The following PIAS4 variants were observed in gnomAD, a reference collection of about 807,000 sequenced individuals.
The protein encoded by PIAS4 is E3 SUMO-protein ligase PIAS4.
PIAS4 carries 7 observed loss-of-function variants against 58.0 expected under a neutral mutation model. The ratio of observed to expected loss-of-function variants is 0.12; its 90% CI spans 0.07 to 0.23. The LOEUF (loss-of-function observed/expected upper bound fraction) is 0.23. Among genes scored for constraint, PIAS4 ranks in the 10% least tolerant of loss-of-function variants. PIAS4 has a pLI of 1.00. For missense variants in PIAS4, 550 were observed against 709.5 expected, an observed-to-expected ratio of 0.78 and a Z score of 2.55; for synonymous variants, 364 against 312.4, an observed-to-expected ratio of 1.17 and a Z score of -1.74.
At chr19:4,011,758 T>A (rs1313685517) in intron 1 of PIAS4, among the ~76,000 whole-genome samples, 3 of 15,418 alleles carry the variant, frequency 1.9e-4, no homozygotes, top group African/African-American at 1.3e-3. Flanking sequence ...TGGAGGTGTG[T>A]GGGGTGTGGA....
At chr19:4,026,988 C>T (rs547540658) in intron 3 of PIAS4, among the ~76,000 whole-genome samples, 1 of 150,778 alleles carries the variant, frequency 6.6e-6, no homozygotes, top group South Asian at 2.1e-4. Context: ...GCTGGGACTA[C>T]AGGCACCCGC....
chr19:4,011,775 T>G (rs1354265158), intron 1 of PIAS4, among the ~76,000 whole-genome samples: 4 of 11,104 alleles, frequency 3.6e-4, no homozygotes, highest in Non-Finnish European at 4.6e-4. Flanking sequence ...TGGAGGTGTG[T>G]GGGGTGTGGA....
chr19:4,026,678 G>A (rs2040167995), intron 3 of PIAS4, among the ~76,000 whole-genome samples: 1 of 151,754 alleles, frequency 6.6e-6, no homozygotes, highest in Non-Finnish European at 1.5e-5. Flanking sequence ...ATACTATGTG[G>A]CTTTCGTTTA....
chr19:4,025,299 T>C lies in PIAS4; in HGVS notation c.539+1179T>C, dbSNP rs544736224. ...CAGGGTCGTCCTCAGATGAGGACGG[T>C]TGAACTGTGGCAGGTGAGGGGCCAG... On this transcript the variant is annotated intron_variant, in intron 3 of 10. Coordinates refer to ENST00000262971, the MANE Select transcript of PIAS4 (RefSeq NM_015897.4). 3.6e-4 allele frequency among the ~76,000 whole-genome samples: 55 copies of C among 152,260 alleles called. No homozygotes were observed. In the South Asian group the frequency reaches 0.011, roughly 32 times the overall value.
chr19:4,012,785 TCCA>T (rs2040009001), intron 1 of PIAS4, 135 bp from the exon 2 acceptor site: 5 of 937,202 alleles, frequency 5.3e-6, no homozygotes, highest in Middle Eastern at 2.4e-4. Flanking sequence ...GGCAGGGCAC[TCCA>T]CCAGCCCCAG....
chr19:4,019,101 C>G (rs1465605105), intron 2 of PIAS4, among the ~76,000 whole-genome samples: 1 of 152,158 alleles, frequency 6.6e-6, no homozygotes, highest in African/African-American at 2.4e-5. Flanking sequence ...GCTGACAGGA[C>G]TGGCTGAGGG....
At chr19:4,030,799 G>A (rs922004256) in intron 7 of PIAS4, among the ~76,000 whole-genome samples, 2 of 152,158 alleles carry the variant, frequency 1.3e-5, no homozygotes, top group Non-Finnish European at 2.9e-5. Flanking sequence ...CATCTTGAGG[G>A]CACCTGGACA....
intron 2 of PIAS4, among the ~76,000 whole-genome samples, chr19:4,016,427 G>A (rs2040054290): frequency 6.6e-6 from 1 of 152,220 alleles, no homozygotes; most frequent in African/African-American, 2.4e-5. Flanking sequence ...CCGCCGGTCT[G>A]GCATGTGCTG....
intron 3 of PIAS4, among the ~76,000 whole-genome samples, chr19:4,026,531 G>A (rs140821910): frequency 6.6e-6 from 1 of 151,016 alleles, no homozygotes; most frequent in African/African-American, 2.4e-5. Flanking sequence ...AGTAGGTATC[G>A]CAGCTCCCAC....
At chr19:4,029,891 C>T (rs1413355694) in intron 7 of PIAS4, among the ~76,000 whole-genome samples, 1 of 143,434 alleles carries the variant, frequency 7.0e-6, no homozygotes, top group Non-Finnish European at 1.5e-5. Flanking sequence ...GGCACGATCT[C>T]GGCTCACTGA....
intron 9 of PIAS4, among the ~76,000 whole-genome samples, chr19:4,035,752 TCA>T (rs1201731707): frequency 4.0e-4 from 24 of 59,874 alleles, no homozygotes; most frequent in African/African-American, 1.0e-3. Flanking sequence ...GTCCACACCA[TCA>T]CACACACACA....
chr19:4,028,421 C>A, intron 4 of PIAS4, 89 bp from the exon 5 acceptor site: 4 of 1,012,816 alleles, frequency 3.9e-6, no homozygotes, highest in Non-Finnish European at 4.5e-6. Context: ...CCCATCACTG[C>A]CGCCTGGCTA....
At chr19:4,034,565 C>T (rs1424499277) in intron 9 of PIAS4, among the ~76,000 whole-genome samples, 2 of 152,242 alleles carry the variant, frequency 1.3e-5, no homozygotes, top group Admixed American at 1.3e-4. Context: ...CACCCCCTTG[C>T]ATCCCAGCTT....
chr19:4,037,522 C>T lies in PIAS4; in HGVS notation c.1273+18C>T. ...CGTGCTGGGTGAGTGCCTCACCCCA[C>T]CAGCCGCGCAGTCCGCAGCCAGGGC... is the stretch of plus-strand genomic sequence containing the variant. On this transcript the variant is annotated intron_variant, in intron 10 of 10. Coordinates refer to ENST00000262971, the MANE Select transcript of PIAS4 (RefSeq NM_015897.4). The surrounding 1 kb of genome is among the most constrained non-coding windows in gnomAD (Gnocchi z 5.8). 1 of 1,609,274 alleles carries T rather than the reference C, an allele frequency of 6.2e-7. No homozygotes were observed. The highest frequency in any genetic ancestry group is 2.2e-5 in the East Asian group (1 of 44,874).
chr19:4,012,806 T>A, intron 1 of PIAS4, 117 bp from the exon 2 acceptor site: 2 of 1,161,658 alleles, frequency 1.7e-6, no homozygotes, highest in East Asian at 4.7e-5. Flanking sequence ...CAGCCAAGGC[T>A]GGCGCTTCCT....
intron 7 of PIAS4, among the ~76,000 whole-genome samples, chr19:4,030,992 C>T (rs1599230043): frequency 6.6e-6 from 1 of 152,218 alleles, no homozygotes; most frequent in African/African-American, 2.4e-5. Flanking sequence ...CGGGTTTGCT[C>T]GCACCCCCTT....
intron 3 of PIAS4, among the ~76,000 whole-genome samples, chr19:4,026,130 T>A (rs1414710649): frequency 1.3e-5 from 2 of 148,952 alleles, no homozygotes; most frequent in East Asian, 2.0e-4. Flanking sequence ...TGGACATTTC[T>A]TTTTCTTTTT....
Position 4,028,503 on chromosome 19 carries a change from G to A in PIAS4, c.582-7G>A, listed in dbSNP as rs374465347. On this transcript the variant is annotated splice_region_variant and splice_polypyrimidine_tract_variant and intron_variant, in intron 4 of 10. Coordinates refer to ENST00000262971, the MANE Select transcript of PIAS4 (RefSeq NM_015897.4). ...TCCCCGCCCCATGGTCCCTGTTGTC[G>A]TTGCAGAATCTGTTACTCAGACACC... is the stretch of plus-strand genomic sequence containing the variant. The A allele has an allele frequency of 4.5e-5, 72 of 1,610,024 alleles. No homozygotes were observed. The highest frequency in any genetic ancestry group is 4.2e-4 in the East Asian group (19 of 44,834).
rs2289867 is a variant in PIAS4 at position 4,013,194 on chromosome 19, C to A, written c.299C>A (p.Pro100Gln). ...CGGGCCGGCGCTGTGCCCAGGACTC[C>A]GCTGGCAGGCCCCAATATTGACTAC... Reference protein sequence around the residue: ...YDRAGAVPRTPLAGPNIDYPV... With the variant: ...YDRAGAVPRTQLAGPNIDYPV... The change falls in exon 2 of 11, where the codon CCG becomes CAG. Residue 100 changes from proline (P) to glutamine (Q), a missense_variant. By Grantham distance (76) the Pro-to-Gln change is moderately conservative. Around this residue, in one of 4 missense-constraint regions of PIAS4, gnomAD observed 95 missense variants for 87.5 expected, o/e 1.09. Transcript: ENST00000262971. The surrounding 1 kb of genome is among the most constrained non-coding windows in gnomAD (Gnocchi z 5.1). The A allele has an allele frequency of 1.3e-5, 21 of 1,613,520 alleles. No individual in the cohort carries two copies. The East Asian group carries it at 4.7e-4, about 36-fold the overall frequency.
Sources: allele counts gnomAD v4.1 joint callset (sites outside exome capture counted in the v4.1 genomes callset), GRCh38; gene constraint gnomAD v4.1.1; regional missense constraint gnomAD v4.1.1; non-coding constraint Gnocchi (gnomAD v3.1); transcripts MANE v1.5; gene names NCBI Gene and HGNC (gene_info 2026-07-23, HGNC 2026-07-21).